Variants in RELN observed in about 807,000 individuals in gnomAD.
RELN encodes the protein reelin.
RELN carries 108 observed loss-of-function variants against 427.6 expected under a neutral mutation model. That is an observed-to-expected ratio of 0.25 (90% CI 0.22 to 0.30). RELN has a LOEUF of 0.30. RELN is among the 10% of genes least tolerant of loss of function. The pLI is 1.00. For synonymous variants in RELN, 1,524 were observed against 1,513.4 expected, an observed-to-expected ratio of 1.01 and a Z score of -0.16; for missense variants, 3,715 against 4,302.8, an observed-to-expected ratio of 0.86 and a Z score of 3.82.
intron 6 of RELN, among the ~76,000 whole-genome samples, chr7:103,747,014 TA>T (rs1350956098): frequency 6.6e-6 from 1 of 152,060 alleles, no homozygotes; most frequent in Non-Finnish European, 1.5e-5. Flanking sequence ...GGAACCAACC[TA>T]AATGTCCAAC....
chr7:103,847,063 C>T (rs755045083), intron 2 of RELN, among the ~76,000 whole-genome samples: 8 of 152,186 alleles, frequency 5.3e-5, no homozygotes, highest in Non-Finnish European at 1.2e-4. Flanking sequence ...GCAATCCCAT[C>T]ACTGGGTATA....
intron 10 of RELN, among the ~76,000 whole-genome samples, chr7:103,691,511 C>A (rs915697482): frequency 2.0e-5 from 3 of 152,080 alleles, no homozygotes; most frequent in African/African-American, 7.2e-5. Flanking sequence ...TTGACAGTAG[C>A]ATTAAAACAG....
intron 60 of RELN, among the ~76,000 whole-genome samples, chr7:103,487,154 G>A (rs1351556245): frequency 2.0e-5 from 3 of 152,070 alleles, no homozygotes; most frequent in Non-Finnish European, 4.4e-5. Context: ...ACTAACACAA[G>A]AATAGAAAAC....
chr7:103,945,047 A>G (rs1796192366), intron 1 of RELN, among the ~76,000 whole-genome samples: 3 of 152,192 alleles, frequency 2.0e-5, no homozygotes. Context: ...CAGTGCCTCC[A>G]GTTCACTTGC....
chr7:103,564,224 G>A lies in RELN; in HGVS notation c.5210+1054C>T, dbSNP rs76292412. On this transcript the variant is annotated intron_variant, in intron 34 of 64. Transcript: ENST00000428762. ...ACTATTTTAGGCTAAATACTAAAAT[G>A]TTTTGGCTTCCTGAATTTTCCCTTG... 9.9e-3 allele frequency among the ~76,000 whole-genome samples: 1,504 copies of A among 152,338 alleles called. 26 individuals are homozygous for A. The highest frequency in any genetic ancestry group is 0.034 in the African/African-American group (1,425 of 41,580).
chr7:103,565,270 A>G lies in RELN; in HGVS notation c.5210+8T>C, dbSNP rs1207146460. On this transcript the variant is annotated splice_region_variant and intron_variant, in intron 34 of 64. Coordinates refer to ENST00000428762, the MANE Select transcript of RELN (RefSeq NM_005045.4). ...AGTTCTGACATGTAGCCAAATGACA[A>G]TTCTCACATGGTGGAGAGTGGAAGG... is the stretch of plus-strand genomic sequence containing the variant. 3 of 1,614,028 alleles carry G rather than the reference A, an allele frequency of 1.9e-6. No individual in the cohort carries two copies. In the African/African-American group the frequency reaches 4.0e-5, roughly 22 times the overall value.
chr7:103,885,498 A>G (rs973955106), intron 2 of RELN, among the ~76,000 whole-genome samples: 2 of 152,226 alleles, frequency 1.3e-5, no homozygotes, highest in Admixed American at 1.3e-4. Flanking sequence ...CAGAAAAACC[A>G]AACACCACAT....
intron 2 of RELN, among the ~76,000 whole-genome samples, chr7:103,868,064 C>T (rs1243550488): frequency 1.3e-5 from 2 of 151,982 alleles, no homozygotes; most frequent in African/African-American, 4.8e-5. Context: ...CCAAAGGCAC[C>T]CCTAAGGCCA....
chr7:103,588,047 A>G (rs1260915349), intron 28 of RELN, among the ~76,000 whole-genome samples: 2 of 152,210 alleles, frequency 1.3e-5, no homozygotes, highest in Non-Finnish European at 2.9e-5. Flanking sequence ...TGTCTACCCA[A>G]AGAAAAAGAA....
chr7:103,739,048 T>G (rs973878745), intron 6 of RELN, among the ~76,000 whole-genome samples: 1 of 152,188 alleles, frequency 6.6e-6, no homozygotes, highest in Non-Finnish European at 1.5e-5. Context: ...CAATAATTCA[T>G]TCCTCTTTAT....
At chr7:103,773,835 C>T (rs1460925773) in intron 4 of RELN, among the ~76,000 whole-genome samples, 1 of 152,114 alleles carries the variant, frequency 6.6e-6, no homozygotes, top group African/African-American at 2.4e-5. Context: ...CCTTTCCTAA[C>T]ACCTCCAGGC....
intron 11 of RELN, among the ~76,000 whole-genome samples, chr7:103,676,383 G>C (rs1833525075): frequency 6.6e-6 from 1 of 152,108 alleles, no homozygotes. Flanking sequence ...TAAAAAGTCA[G>C]GAAACAACAG....
intron 1 of RELN, among the ~76,000 whole-genome samples, chr7:103,923,550 G>C (rs1418394837): frequency 6.6e-6 from 1 of 152,138 alleles, no homozygotes; most frequent in African/African-American, 2.4e-5. Context: ...GAAATGAAAA[G>C]AGATCTTAAA....
intron 1 of RELN, among the ~76,000 whole-genome samples, chr7:103,950,999 G>A (rs1297168313): frequency 2.6e-5 from 4 of 152,062 alleles, no homozygotes; most frequent in Non-Finnish European, 2.9e-5. Flanking sequence ...CATGATTATC[G>A]GCTCACTGCA....
At chr7:103,967,155 A>T (rs903552027) in intron 1 of RELN, among the ~76,000 whole-genome samples, 1 of 152,136 alleles carries the variant, frequency 6.6e-6, no homozygotes, top group Non-Finnish European at 1.5e-5. Context: ...CAAGAAAACT[A>T]AGGGCTAGTG....
intron 28 of RELN, among the ~76,000 whole-genome samples, chr7:103,581,515 G>C (rs979245908): frequency 6.6e-6 from 1 of 152,038 alleles, no homozygotes; most frequent in Admixed American, 6.6e-5. Flanking sequence ...GGGGAGTCTT[G>C]GGAGGACACT....
At chr7:103,567,432 G>C (rs934672464) in intron 31 of RELN, among the ~76,000 whole-genome samples, 4 of 152,212 alleles carry the variant, frequency 2.6e-5, no homozygotes, top group Non-Finnish European at 5.9e-5. Flanking sequence ...GCACATTAAA[G>C]TGTAAGGGAC....
At chr7:103,478,324 T>A in intron 64 of RELN, 65 bp downstream of exon 64, 1 of 709,148 alleles carries the variant, frequency 1.4e-6, no homozygotes, top group Non-Finnish European at 2.6e-6. Context: ...ACTTCTCAGT[T>A]AAGTTTGGTG....
chr7:103,888,595 A>G (rs1485824911), intron 2 of RELN, among the ~76,000 whole-genome samples: 1 of 152,178 alleles, frequency 6.6e-6, no homozygotes, highest in Non-Finnish European at 1.5e-5. Context: ...TGGCCTCAAA[A>G]TCTAGTAAAG....
Sources: gnomAD v4.1 joint callset for allele counts (sites outside exome capture counted in the v4.1 genomes callset) on GRCh38, gnomAD v4.1.1 for gene constraint, MANE v1.5 for transcripts, NCBI Gene and HGNC (gene_info 2026-07-23, HGNC 2026-07-21) for gene names.